The following ADPRH variants were observed in gnomAD, a reference collection of about 807,000 sequenced individuals.
ADPRH encodes ADP-ribosylarginine hydrolase, also known as ADP-ribose-L-arginine cleaving enzyme.
In ADPRH, 27 loss-of-function variants were observed where a neutral mutation model predicts 28.8. That is an observed-to-expected ratio of 0.94 (90% CI 0.69 to 1.29). The LOEUF is 1.29. ADPRH is among the 50% of genes most tolerant of loss of function. The pLI is 0.00. For missense variants in ADPRH, 419 were observed against 444.8 expected (o/e 0.94, Z 0.52); for synonymous variants, 161 against 166.9 (o/e 0.96, Z 0.27).
intron 3 of ADPRH, among the ~76,000 whole-genome samples, chr3:119,585,162 C>G (rs1054903763): frequency 9.9e-5 from 15 of 152,230 alleles, no homozygotes; most frequent in African/African-American, 3.6e-4. Context: ...ATGCCAATCT[C>G]TGTTCATCCT....
intron 3 of ADPRH, among the ~76,000 whole-genome samples, chr3:119,584,849 C>T (rs1371612192): frequency 1.3e-5 from 2 of 152,228 alleles, no homozygotes; most frequent in Non-Finnish European, 2.9e-5. Flanking sequence ...CTCTCCTTGG[C>T]TTGCAGATGG....
chr3:119,586,984 T>C (rs141608388), intron 4 of ADPRH, among the ~76,000 whole-genome samples: 785 of 152,380 alleles, frequency 5.2e-3, no homozygotes, highest in Non-Finnish European at 8.1e-3. Flanking sequence ...ATACAAATAA[T>C]ATTTTGAAAT....
In ADPRH at chr3:119,586,492, A is replaced by C. The variant is rs1206096257; in HGVS notation, c.506A>C (p.Tyr169Ser). ...GRMTHHHPTG[Y>S]LGALASALFT... Reference sequence around the variant, plus strand: ...ATGACCCACCACCACCCAACAGGCTACCTGGGGGCCCTTGCGTCTGCTCTT... The same window carrying C: ...ATGACCCACCACCACCCAACAGGCTCCCTGGGGGCCCTTGCGTCTGCTCTT... Residue 169 changes from tyrosine to serine, a missense_variant, in exon 4 of 5, where the codon TAC becomes TCC. Tyr to Ser is a moderately radical substitution (Grantham distance 144, BLOSUM62 -2). Transcript: ENST00000357003. 3 of 1,614,250 alleles carry C rather than the reference A, an allele frequency of 1.9e-6. No homozygotes were observed. Among genetic ancestry groups the C allele is most frequent in the Non-Finnish European group, 2.5e-6 (3 of 1,180,046 alleles).
intron 4 of ADPRH, among the ~76,000 whole-genome samples, chr3:119,586,945 G>C (rs1277249667): frequency 6.6e-6 from 1 of 152,114 alleles, no homozygotes; most frequent in Non-Finnish European, 1.5e-5. Context: ...CTACTTTCCT[G>C]GAATTTGCTT....
chr3:119,587,374 T>C, intron 4 of ADPRH, 90 bp from the exon 5 acceptor site: 2 of 1,083,138 alleles, frequency 1.8e-6, no homozygotes, highest in Non-Finnish European at 2.5e-6. Context: ...ATGTTGGATT[T>C]TTCTCTGTTC....
rs2082488097 is a variant in ADPRH, at chr3:119,588,651, CCTAAATATACTCTG to C, written c.*774_*787del. 1 of 152,200 alleles carries C rather than the reference CCTAAATATACTCTG, an allele frequency of 6.6e-6. No individual in the cohort carries two copies. The highest frequency in any genetic ancestry group is 1.5e-5 in the Non-Finnish European group (1 of 68,036). 9.4% of individuals were successfully genotyped at this position (152,200 alleles called of 1,614,324 possible). ...CAATATCTGCTAGGCTGGTCTACCT[CCTAAATATACTCTG>C]AATCTATCACCTCTATTGCCTTCTT... On this transcript the variant is annotated 3_prime_UTR_variant, in exon 5 of 5. Transcript: ENST00000357003.
intron 3 of ADPRH, among the ~76,000 whole-genome samples, chr3:119,584,359 T>C (rs1009358248): frequency 3.9e-5 from 6 of 151,958 alleles, no homozygotes; most frequent in Admixed American, 1.3e-4. Context: ...GGTCAGGAGT[T>C]TGAGACTAGC....
chr3:119,579,502 G>A lies in ADPRH; in HGVS notation c.-472G>A, dbSNP rs1335785796. On this transcript the variant is annotated 5_prime_UTR_variant, in exon 1 of 5. Transcript: ENST00000357003. ...CGGGAGTCACTGACCACAGCCAGGCGAGAGCCGGCTTTCCGGTGCCGCCAC... is the reference window on the plus strand; with the variant it reads ...CGGGAGTCACTGACCACAGCCAGGCAAGAGCCGGCTTTCCGGTGCCGCCAC... 3 of 152,322 alleles carry A rather than the reference G, an allele frequency of 2.0e-5. No homozygotes were observed. The highest frequency in any genetic ancestry group is 7.2e-5 in the African/African-American group (3 of 41,472). 9.4% of individuals were successfully genotyped at this position (152,322 alleles called of 1,614,324 possible).
In ADPRH at chr3:119,589,938, ACAT is replaced by A. The variant is rs1008802927; in HGVS notation, c.*2062_*2064del. 5.3e-5 allele frequency: 8 copies of A among 152,222 alleles called. No individual in the cohort carries two copies. The highest frequency in any genetic ancestry group is 1.2e-4 in the Non-Finnish European group (8 of 68,044). 9.4% of individuals were successfully genotyped at this position (152,222 alleles called of 1,614,324 possible). ...GGTAAATCAATAAAGATGGTCTGAC[ACAT>A]CGTATGAATTTGCCATTCTTATCAA... On this transcript the variant is annotated 3_prime_UTR_variant, in exon 5 of 5. Coordinates refer to ENST00000357003, the MANE Select transcript of ADPRH (RefSeq NM_001125.4).
intron 3 of ADPRH, among the ~76,000 whole-genome samples, chr3:119,582,806 C>T (rs1577123397): frequency 5.3e-5 from 8 of 152,250 alleles, no homozygotes; most frequent in South Asian, 2.1e-4. Flanking sequence ...GAGTGATGGG[C>T]GAAGGAGCAT....
chr3:119,586,532 T>A lies in ADPRH; in HGVS notation c.546T>A (p.Ala182=), dbSNP rs25676. Residue 182 remains alanine (A), a synonymous_variant, in exon 4 of 5, where the codon GCT becomes GCA. Coordinates refer to ENST00000357003, the MANE Select transcript of ADPRH (RefSeq NM_001125.4). ...CGTCTGCTCTTTTTACAGCCTATGC[T>A]GTGAATAGCAGACCACCCTTGCAGT... ...ALASALFTAY[A]VNSRPPLQWG... 497,104 of 1,613,982 alleles carry A rather than the reference T, an allele frequency of 0.31. 80,800 individuals carry two copies. The highest frequency in any genetic ancestry group is 0.5 in the Middle Eastern group (3,029 of 6,060).
intron 1 of ADPRH, chr3:119,580,309 GCAGGA>G (rs1475776249): frequency 6.6e-6 from 1 of 152,170 alleles, no homozygotes; most frequent in Non-Finnish European, 1.5e-5. Flanking sequence ...AAATCGCAGC[GCAGGA>G]CGGAACTTCC....
intron 3 of ADPRH, 115 bp downstream of exon 3, chr3:119,582,582 G>T: frequency 2.2e-5 from 26 of 1,189,810 alleles, no homozygotes; most frequent in East Asian, 1.0e-4. Context: ...TTGTAAATGT[G>T]ATAAAAATAG....
chr3:119,581,057 C>G (rs901321018), intron 2 of ADPRH, among the ~76,000 whole-genome samples: 2 of 146,438 alleles, frequency 1.4e-5, no homozygotes, highest in Non-Finnish European at 3.0e-5. Context: ...GCCAAGCACT[C>G]TAAGAACTTT....
chr3:119,585,312 G>A (rs1236922504), intron 3 of ADPRH, among the ~76,000 whole-genome samples: 2 of 152,140 alleles, frequency 1.3e-5, no homozygotes, highest in East Asian at 1.9e-4. Context: ...TGCTGCCATC[G>A]CTTGGTTCGC....
rs758804202 is a variant in ADPRH at position 119,582,454 on chromosome 3, T to C, written c.285T>C (p.Asp95=). The change falls in exon 3 of 5, where the codon GAT becomes GAC. Residue 95 remains aspartate (D), a synonymous_variant. Coordinates refer to ENST00000357003, the MANE Select transcript of ADPRH (RefSeq NM_001125.4). The stretch of plus-strand genomic sequence containing the variant: ...ACCAAGACTGCATGGAAGACATGGA[T>C]GGGCGGGCACCAGGTGAGCACAGCC... ...KHYQDCMEDM[D]GRAPGGASVH... is the part of the protein sequence containing the mutation. 1.9e-6 allele frequency: 3 copies of C among 1,612,970 alleles called. No individual in the cohort carries two copies. Among genetic ancestry groups the C allele is most frequent in the Non-Finnish European group, 2.5e-6 (3 of 1,179,134 alleles).
intron 3 of ADPRH, among the ~76,000 whole-genome samples, chr3:119,584,824 T>C (rs112381617): frequency 2.0e-5 from 3 of 152,182 alleles, no homozygotes; most frequent in African/African-American, 7.2e-5. Context: ...ACAGGCCTGG[T>C]TTCTTCTGAG....
chr3:119,582,111 T>C (rs2082410155), intron 2 of ADPRH, 23 bp from the exon 3 acceptor site: 10 of 1,142,014 alleles, frequency 8.8e-6, no homozygotes, highest in Non-Finnish European at 1.2e-5. Flanking sequence ...TCCTATTTCC[T>C]TTGTCTTAAT....
At position 119,582,291 on chromosome 3, in the gene ADPRH, G is replaced by A. The variant is rs2082412476; in HGVS notation, c.122G>A (p.Gly41Asp). 6.2e-7 allele frequency: 1 copy of A among 1,614,112 alleles called. No individual in the cohort carries two copies. The highest frequency in any genetic ancestry group is 8.5e-7 in the Non-Finnish European group (1 of 1,180,048). Residue 41 changes from glycine to aspartate, a missense_variant, in exon 3 of 5, where the codon GGC (glycine) becomes GAC (aspartate). Transcript: ENST00000357003. ...EKIHRQLAQL[G>D]GLDALDVGRW... ...ATACACCGGCAGTTGGCCCAGCTGG[G>A]CGGCTTGGATGCCCTAGACGTGGGA...
Sources: gnomAD v4.1 joint callset for allele counts (sites outside exome capture counted in the v4.1 genomes callset) on GRCh38, gnomAD v4.1.1 for gene constraint, MANE v1.5 for transcripts, NCBI Gene and HGNC (gene_info 2026-07-23, HGNC 2026-07-21) for gene names.